Variants in BBS4 observed in about 807,000 individuals in gnomAD.
BBS4 encodes the protein BBSome complex member BBS4.
A neutral mutation model predicts 71.4 loss-of-function variants in BBS4; 58 were observed. The observed-to-expected ratio is 0.81, with a 90% CI of 0.66 to 1.01. The LOEUF (loss-of-function observed/expected upper bound fraction) is 1.01, where lower values mean the gene tolerates loss of function less well. Ranked by LOEUF, BBS4 falls within the 50% of genes least tolerant of loss-of-function variation. BBS4 has a pLI of 0.00. For missense variants in BBS4, 660 were observed against 607.9 expected (o/e 1.09, Z -0.90); for synonymous variants, 228 against 216.8 (o/e 1.05, Z -0.46).
chr15:72,715,139 A>C (rs997770673), intron 4 of BBS4, 152 bp from the exon 5 acceptor site: 6 of 657,346 alleles, frequency 9.1e-6, no homozygotes, highest in Non-Finnish European at 1.6e-5. Context: ...AGCCTGTCCA[A>C]AGCCATATCT....
At chr15:72,713,020 CTT>C (rs879762255) in intron 4 of BBS4, among the ~76,000 whole-genome samples, 5 of 141,378 alleles carry the variant, frequency 3.5e-5, no homozygotes, top group Non-Finnish European at 1.6e-5. Context: ...CTTTTTCTTT[CTT>C]TTTTTTTTTT....
At chr15:72,735,684 A>C in intron 13 of BBS4, 141 bp from the exon 14 acceptor site, 1 of 1,053,308 alleles carries the variant, frequency 9.5e-7, no homozygotes, top group Non-Finnish European at 1.5e-6. Flanking sequence ...AGGTCTGCTT[A>C]GCACGTATGT....
intron 1 of BBS4, among the ~76,000 whole-genome samples, chr15:72,688,625 G>C (rs1159072934): frequency 5.3e-5 from 8 of 151,858 alleles, no homozygotes. Context: ...GGCTGGTCTT[G>C]AACTCCTGAC....
At chr15:72,701,346 C>T (rs1023046782) in intron 2 of BBS4, among the ~76,000 whole-genome samples, 2 of 152,178 alleles carry the variant, frequency 1.3e-5, no homozygotes, top group South Asian at 4.1e-4. Context: ...TGGGGCTCTA[C>T]CTAAGTCTAT....
intron 6 of BBS4, chr15:72,717,213 CTCTT>C (rs1467638316): frequency 1.8e-5 from 4 of 226,856 alleles, no homozygotes; most frequent in African/African-American, 9.3e-5. Context: ...ATTCAATTGA[CTCTT>C]TCATTCTGAA....
chr15:72,712,414 C>T, intron 4 of BBS4, 107 bp downstream of exon 4: 1 of 1,026,420 alleles, frequency 9.7e-7, no homozygotes, highest in Non-Finnish European at 1.5e-6. Flanking sequence ...TCATGCACCA[C>T]TTAACAATGG....
chr15:72,713,349 ACG>A (rs1045889475), intron 4 of BBS4, among the ~76,000 whole-genome samples: 19 of 112,610 alleles, frequency 1.7e-4, no homozygotes, highest in East Asian at 9.8e-4. Flanking sequence ...ACACACACAC[ACG>A]CACACGCACG....
chr15:72,726,522 T>A (rs1458017266), intron 8 of BBS4, among the ~76,000 whole-genome samples: 3 of 152,266 alleles, frequency 2.0e-5, no homozygotes, highest in African/African-American at 7.2e-5. Flanking sequence ...TTCCTAATAA[T>A]TAGATTCTGA....
chr15:72,722,736 T>G lies in BBS4; in HGVS notation c.406-58T>G, dbSNP rs557835720. 2.9e-4 allele frequency: 437 copies of G among 1,491,850 alleles called. 2 individuals carry two copies. Among genetic ancestry groups the G allele is most frequent in the Middle Eastern group, 2.9e-3 (17 of 5,862 alleles). The allele number at this position is 1,491,850 out of a possible 1,614,324, so 92.4% of individuals were successfully genotyped here. ...AATCTCTAGATGTCTGTTGTTTCAC[T>G]CTAATACTTACTGTGGAATTACACC... On this transcript the variant is annotated intron_variant, in intron 6 of 15. Coordinates refer to ENST00000268057, the MANE Select transcript of BBS4 (RefSeq NM_033028.5).
chr15:72,732,997 C>G (rs2065854191), intron 12 of BBS4, among the ~76,000 whole-genome samples: 2 of 152,150 alleles, frequency 1.3e-5, no homozygotes. Flanking sequence ...AATATTGGCC[C>G]AGTGTCAGGG....
intron 12 of BBS4, 57 bp from the exon 13 acceptor site, chr15:72,735,049 GTCTTTAA>G (rs1567432750): frequency 9.6e-6 from 12 of 1,246,916 alleles, no homozygotes; most frequent in Non-Finnish European, 1.4e-5. Flanking sequence ...TTTGGGGGTA[GTCTTTAA>G]TACTCCTTTT....
rs983830494 is a variant in BBS4, at chr15:72,713,220, C to T, written c.220+913C>T. On this transcript the variant is annotated intron_variant, in intron 4 of 15. Transcript: ENST00000268057. ...AACTTTTTTGTTAAAAACTACGATACACACACTACTACAGTGGTGGTACTA... is the reference window on the plus strand; with the variant it reads ...AACTTTTTTGTTAAAAACTACGATATACACACTACTACAGTGGTGGTACTA... Among the ~76,000 whole-genome samples the T allele has an allele frequency of 5.9e-5, 9 of 152,006 alleles. No homozygotes were observed. The East Asian group carries it at 1.5e-3, about 26-fold the overall frequency.
At position 72,715,332 on chromosome 15, in the gene BBS4, G is replaced by C; in HGVS notation, c.262G>C (p.Glu88Gln). The C allele has an allele frequency of 6.2e-7, 1 of 1,613,996 alleles. No individual in the cohort carries two copies. Among genetic ancestry groups the C allele is most frequent in the Non-Finnish European group, 8.5e-7 (1 of 1,179,940 alleles). ...AGAAGGAAATATCCAAGAATCCCTA[G>C]AACTCTTCCAGACATGTGCAGTTCT... The part of the protein sequence containing the change: ...RLEGNIQESL[E>Q]LFQTCAVLSP... The change falls in exon 5 of 16, where the codon GAA becomes CAA. Residue 88 changes from glutamate (E) to glutamine (Q), a missense_variant. Coordinates refer to ENST00000268057, the MANE Select transcript of BBS4 (RefSeq NM_033028.5).
intron 4 of BBS4, among the ~76,000 whole-genome samples, chr15:72,713,476 A>G (rs1438187478): frequency 6.6e-6 from 1 of 152,146 alleles, no homozygotes; most frequent in Non-Finnish European, 1.5e-5. Context: ...CTCCTATAAC[A>G]ATAGGAATAC....
At chr15:72,692,231 G>GT (rs2150992996) in intron 1 of BBS4, among the ~76,000 whole-genome samples, 1 of 147,288 alleles carries the variant, frequency 6.8e-6, no homozygotes, top group African/African-American at 2.5e-5. Context: ...TATGGTGGTT[G>GT]TAACAATTTA....
intron 1 of BBS4, among the ~76,000 whole-genome samples, chr15:72,693,570 T>C (rs2065023782): frequency 6.6e-6 from 1 of 152,184 alleles, no homozygotes; most frequent in African/African-American, 2.4e-5. Flanking sequence ...TATGTAAACA[T>C]GAGTGTGGGT....
intron 4 of BBS4, 75 bp from the exon 5 acceptor site, chr15:72,715,216 A>C (rs1312432377): frequency 1.9e-6 from 2 of 1,079,444 alleles, no homozygotes; most frequent in African/African-American, 3.1e-5. Context: ...TCTCTTCTCC[A>C]ATTTTTCTGA....
chr15:72,692,817 C>T (rs895823731), intron 1 of BBS4, among the ~76,000 whole-genome samples: 5 of 150,110 alleles, frequency 3.3e-5, no homozygotes, highest in Admixed American at 2.7e-4. Flanking sequence ...AAGCTGTTCT[C>T]AAATTTCTAG....
At chr15:72,729,161 C>CTTTTTTTTT (rs71137313) in intron 9 of BBS4, among the ~76,000 whole-genome samples, 1 of 70,036 alleles carries the variant, frequency 1.4e-5, no homozygotes, top group African/African-American at 7.0e-5. Context: ...ACTGTAGCTG[C>CTTTTTTTTT]TTTTTTTTTT....
Sources: allele counts gnomAD v4.1 joint callset (sites outside exome capture counted in the v4.1 genomes callset), GRCh38; gene constraint gnomAD v4.1.1; transcripts MANE v1.5; gene names NCBI Gene and HGNC (gene_info 2026-07-23, HGNC 2026-07-21).